Variants in AK3 observed in about 807,000 individuals in gnomAD.
AK3 encodes the protein GTP:AMP phosphotransferase AK3, mitochondrial.
AK3 carries 27 observed loss-of-function variants against 23.7 expected under a neutral mutation model. That is an observed-to-expected ratio of 1.14 (90% CI 0.84 to 1.57). AK3 has a LOEUF of 1.57. Ranked by LOEUF, AK3 falls within the 40% of genes most tolerant of loss-of-function variation. The pLI is 0.00. For synonymous variants in AK3, 159 were observed against 116.0 expected, an observed-to-expected ratio of 1.37 and a Z score of -2.38; for missense variants, 406 against 285.6, an observed-to-expected ratio of 1.42 and a Z score of -3.04.
At chr9:4,719,101 T>C (rs368053583) in intron 3 of AK3, 34 bp downstream of exon 3, 10 of 1,610,338 alleles carry the variant, frequency 6.2e-6, no homozygotes, top group Middle Eastern at 4.5e-4. Context: ...TCAGGGACAG[T>C]CTGCTATGTG....
At chr9:4,727,802 C>A (rs187948631) in intron 1 of AK3, among the ~76,000 whole-genome samples, 15 of 152,296 alleles carry the variant, frequency 9.8e-5, no homozygotes, top group African/African-American at 3.6e-4. Context: ...TTAATCATTT[C>A]TAGCTTTTGA....
intron 4 of AK3, among the ~76,000 whole-genome samples, chr9:4,717,915 C>G (rs928559956): frequency 6.6e-6 from 1 of 152,220 alleles, no homozygotes. Context: ...GACTGTCGCA[C>G]TGCCAACTCT....
chr9:4,719,890 A>T (rs2130881813), intron 2 of AK3, among the ~76,000 whole-genome samples: 1 of 152,184 alleles, frequency 6.6e-6, no homozygotes, highest in Non-Finnish European at 1.5e-5. Context: ...ACATGGTGAA[A>T]TCCCATCTCT....
chr9:4,722,534 A>T lies in AK3; in HGVS notation c.243T>A (p.Asn81Lys). The change falls in exon 2 of 5, where the codon AAT becomes AAA. Residue 81 changes from asparagine to lysine, a missense_variant. Coordinates refer to ENST00000381809, the MANE Select transcript of AK3 (RefSeq NM_016282.4). ...CCAACAGCCAGCTATACTGGGTGAG[A>T]TTTTTCAGCTCATGAAGGGCCAGCC... The part of the protein sequence containing the change: ...MTRLALHELK[N>K]LTQYSWLLDG... 1 of 1,614,066 alleles carries T rather than the reference A, an allele frequency of 6.2e-7. No homozygotes were observed. The highest frequency in any genetic ancestry group is 1.1e-5 in the South Asian group (1 of 91,078).
intron 1 of AK3, among the ~76,000 whole-genome samples, chr9:4,740,554 A>T (rs1842404292): frequency 6.6e-6 from 1 of 152,240 alleles, no homozygotes. Flanking sequence ...AGACTCTAGC[A>T]GGGCTAATGA....
intron 2 of AK3, among the ~76,000 whole-genome samples, chr9:4,720,302 T>A (rs1000388456): frequency 3.9e-5 from 6 of 152,200 alleles, no homozygotes; most frequent in African/African-American, 1.4e-4. Flanking sequence ...ATCACAAACT[T>A]CTGACTTTGC....
chr9:4,723,216 T>C (rs116441142), intron 1 of AK3, among the ~76,000 whole-genome samples: 3,119 of 152,356 alleles, frequency 0.02, 108 homozygotes, highest in African/African-American at 0.071. Context: ...TTCTGTGTGA[T>C]AGAATTGAGT....
chr9:4,719,033 A>T, intron 3 of AK3, 102 bp downstream of exon 3: 1 of 1,264,842 alleles, frequency 7.9e-7, no homozygotes, highest in Non-Finnish European at 1.1e-6. Flanking sequence ...TACCCTCAGG[A>T]GTTTTGGTCA....
intron 4 of AK3, among the ~76,000 whole-genome samples, chr9:4,717,116 A>G (rs1235312377): frequency 1.3e-5 from 2 of 152,184 alleles, no homozygotes; most frequent in African/African-American, 4.8e-5. Flanking sequence ...TTTACAGAGG[A>G]AAAAACAGGC....
rs1188138635 is a variant in AK3, at chr9:4,710,485, C to G, written c.*2491G>C. ...CCGCCCGCCTCGGCCTCCCAAAGTGCTGGGATTACAGGCGTGAGCCACCGC... is the reference window on the plus strand; with the variant it reads ...CCGCCCGCCTCGGCCTCCCAAAGTGGTGGGATTACAGGCGTGAGCCACCGC... On this transcript the variant is annotated 3_prime_UTR_variant, in exon 5 of 5. Transcript: ENST00000381809. The G allele has an allele frequency of 6.6e-6, 1 of 151,894 alleles. No homozygotes were observed. The highest frequency in any genetic ancestry group is 1.5e-5 in the Non-Finnish European group (1 of 68,046). 9.4% of individuals were successfully genotyped at this position (151,894 alleles called of 1,614,324 possible).
intron 2 of AK3, among the ~76,000 whole-genome samples, chr9:4,720,002 G>A (rs1841852317): frequency 6.6e-6 from 1 of 152,110 alleles, no homozygotes; most frequent in African/African-American, 2.4e-5. Flanking sequence ...AGGGGAGGTT[G>A]TAGTGAACCA....
intron 4 of AK3, among the ~76,000 whole-genome samples, 191 bp downstream of exon 4, chr9:4,718,228 A>T (rs1841789723): frequency 6.6e-6 from 1 of 152,204 alleles, no homozygotes; most frequent in South Asian, 2.1e-4. Flanking sequence ...CACTGATCAA[A>T]CCCAGGTGTG....
At chr9:4,721,198 T>G (rs1841886090) in intron 2 of AK3, among the ~76,000 whole-genome samples, 1 of 151,830 alleles carries the variant, frequency 6.6e-6, no homozygotes, top group South Asian at 2.1e-4. Flanking sequence ...AGGCCAGGAG[T>G]TTGAGACCAG....
At chr9:4,740,899 T>C (rs747708086) in intron 1 of AK3, 38 bp downstream of exon 1, 1 of 1,468,492 alleles carries the variant, frequency 6.8e-7, no homozygotes, top group Non-Finnish European at 9.1e-7. Context: ...CCGACCCGGG[T>C]GACAGCGCAC....
intron 2 of AK3, 139 bp downstream of exon 2, chr9:4,722,367 G>T (rs749468628): frequency 8.4e-6 from 10 of 1,188,740 alleles, no homozygotes; most frequent in Non-Finnish European, 1.2e-5. Flanking sequence ...CAGAGAAGAT[G>T]ACTGGTTTCA....
chr9:4,717,493 T>C (rs1841768433), intron 4 of AK3, among the ~76,000 whole-genome samples: 1 of 152,228 alleles, frequency 6.6e-6, no homozygotes, highest in African/African-American at 2.4e-5. Context: ...GCATCCTGTA[T>C]TGGCAAATGT....
chr9:4,721,737 G>T (rs992411067), intron 2 of AK3, among the ~76,000 whole-genome samples: 2 of 152,162 alleles, frequency 1.3e-5, no homozygotes, highest in African/African-American at 2.4e-5. Flanking sequence ...GGAATTAAAG[G>T]CGTGAGCCAC....
intron 1 of AK3, among the ~76,000 whole-genome samples, chr9:4,725,074 G>C (rs1235207567): frequency 7.0e-6 from 1 of 142,672 alleles, no homozygotes; most frequent in Non-Finnish European, 1.5e-5. Flanking sequence ...CCAGGCTAAA[G>C]TGCAATGATG....
intron 2 of AK3, among the ~76,000 whole-genome samples, chr9:4,719,838 G>T (rs966424186): frequency 5.9e-5 from 9 of 152,120 alleles, no homozygotes; most frequent in Admixed American, 5.9e-4. Flanking sequence ...GGCTGAGGAG[G>T]GCGGATCACC....
Sources: gnomAD v4.1 joint callset for allele counts (sites outside exome capture counted in the v4.1 genomes callset) on GRCh38, gnomAD v4.1.1 for gene constraint, MANE v1.5 for transcripts, NCBI Gene and HGNC (gene_info 2026-07-23, HGNC 2026-07-21) for gene names.